The following KLHDC4 variants were observed in gnomAD, a reference collection of about 807,000 sequenced individuals.
The protein encoded by KLHDC4 is kelch domain-containing protein 4.
Under a neutral mutation model 62.4 loss-of-function variants are expected in KLHDC4, and 90 were observed. That is an observed-to-expected ratio of 1.44 (90% CI 1.22 to 1.72). KLHDC4 has a LOEUF of 1.72. KLHDC4 is among the 40% of genes most tolerant of loss of function. KLHDC4 has a pLI of 0.00. For synonymous variants in KLHDC4, 386 were observed against 284.4 expected, an observed-to-expected ratio of 1.36 and a Z score of -3.59; for missense variants, 1,025 against 699.7, an observed-to-expected ratio of 1.47 and a Z score of -5.25.
chr16:87,731,159 G>T (rs2040304369), intron 5 of KLHDC4, among the ~76,000 whole-genome samples: 1 of 132,732 alleles, frequency 7.5e-6, no homozygotes, highest in South Asian at 2.6e-4. Flanking sequence ...CGCCTCCAAA[G>T]TTCAAGCGGT....
intron 2 of KLHDC4, among the ~76,000 whole-genome samples, chr16:87,761,571 C>A (rs1035577106): frequency 6.6e-6 from 1 of 152,220 alleles, no homozygotes; most frequent in Non-Finnish European, 1.5e-5. Flanking sequence ...AATTTGAAAG[C>A]ATTACAAACA....
At chr16:87,729,290 G>C (rs1003818411) in intron 6 of KLHDC4, 1 of 152,198 alleles carries the variant, frequency 6.6e-6, no homozygotes, top group Admixed American at 6.5e-5. Context: ...AGAATCACGA[G>C]AGGGTGCGAC....
chr16:87,727,518 C>T (rs904638697), intron 6 of KLHDC4, among the ~76,000 whole-genome samples: 1 of 152,152 alleles, frequency 6.6e-6, no homozygotes, highest in African/African-American at 2.4e-5. Context: ...CAGAAGCCGA[C>T]CCTCTGTGCC....
At chr16:87,754,720 G>A (rs1316650699) in intron 4 of KLHDC4, among the ~76,000 whole-genome samples, 3 of 152,202 alleles carry the variant, frequency 2.0e-5, no homozygotes, top group Non-Finnish European at 4.4e-5. Context: ...CCTGACAGGA[G>A]AGCGACAGCT....
intron 7 of KLHDC4, among the ~76,000 whole-genome samples, chr16:87,718,268 A>C (rs2037399072): frequency 6.8e-6 from 1 of 146,042 alleles, no homozygotes; most frequent in African/African-American, 2.6e-5. Context: ...CTTTCCACAA[A>C]AACCGATTCG....
chr16:87,759,580 C>CA (rs1270908974), intron 2 of KLHDC4, among the ~76,000 whole-genome samples: 1 of 152,090 alleles, frequency 6.6e-6, no homozygotes, highest in Non-Finnish European at 1.5e-5. Context: ...AACTCCGTCT[C>CA]TACTAAAAAT....
chr16:87,755,326 A>T, intron 3 of KLHDC4, 34 bp from the exon 4 acceptor site: 7 of 1,107,802 alleles, frequency 6.3e-6, no homozygotes, highest in Non-Finnish European at 9.7e-6. Context: ...AGTGTCACAA[A>T]TGATACGCTT....
At chr16:87,749,338 G>T (rs1045181345) in intron 4 of KLHDC4, among the ~76,000 whole-genome samples, 1 of 151,982 alleles carries the variant, frequency 6.6e-6, no homozygotes, top group African/African-American at 2.4e-5. Flanking sequence ...GACAGATCAC[G>T]AGATCAAGAA....
At chr16:87,721,322 G>A (rs376004547) in intron 7 of KLHDC4, among the ~76,000 whole-genome samples, 1 of 151,206 alleles carries the variant, frequency 6.6e-6, no homozygotes, top group Non-Finnish European at 1.5e-5. Context: ...CCGGAGGCAG[G>A]AGAATGGCGT....
At chr16:87,759,765 C>T (rs1263349497) in intron 2 of KLHDC4, among the ~76,000 whole-genome samples, 4 of 152,136 alleles carry the variant, frequency 2.6e-5, no homozygotes, top group African/African-American at 9.7e-5. Flanking sequence ...AGAGTGTTTC[C>T]CAAATTCCTC....
At chr16:87,755,470 G>C (rs992917748) in intron 3 of KLHDC4, 178 bp from the exon 4 acceptor site, 2 of 467,956 alleles carry the variant, frequency 4.3e-6, no homozygotes, top group Non-Finnish European at 7.9e-6. Flanking sequence ...ACGACACAAT[G>C]AAAACGACCG....
At chr16:87,730,426 A>G (rs2040142390) in intron 6 of KLHDC4, 126 bp downstream of exon 6, 1 of 793,552 alleles carries the variant, frequency 1.3e-6, no homozygotes, top group Admixed American at 2.9e-5. Flanking sequence ...GTGGCTGCCC[A>G]AAGCTCATGA....
At chr16:87,713,646 C>T (rs971653977) in intron 8 of KLHDC4, among the ~76,000 whole-genome samples, 6 of 151,982 alleles carry the variant, frequency 3.9e-5, no homozygotes, top group African/African-American at 1.5e-4. Context: ...TGGCAGGAAA[C>T]GCCGCCAACA....
intron 7 of KLHDC4, among the ~76,000 whole-genome samples, chr16:87,715,199 C>A (rs1332260923): frequency 1.3e-5 from 2 of 152,194 alleles, no homozygotes; most frequent in Non-Finnish European, 2.9e-5. Flanking sequence ...AAAACGCTCA[C>A]CCTGGGTGGA....
intron 7 of KLHDC4, among the ~76,000 whole-genome samples, chr16:87,716,980 C>T (rs1235113373): frequency 6.6e-6 from 1 of 151,096 alleles, no homozygotes; most frequent in Non-Finnish European, 1.5e-5. Context: ...TGCTGTAATC[C>T]CAGCACTTTG....
intron 5 of KLHDC4, among the ~76,000 whole-genome samples, chr16:87,735,286 C>T (rs1279081602): frequency 2.1e-5 from 3 of 144,798 alleles, no homozygotes; most frequent in Admixed American, 7.1e-5. Flanking sequence ...GGCAACACAG[C>T]GAGACTCCGT....
intron 4 of KLHDC4, among the ~76,000 whole-genome samples, chr16:87,753,557 T>C (rs890331671): frequency 6.6e-6 from 1 of 152,052 alleles, no homozygotes; most frequent in Non-Finnish European, 1.5e-5. Context: ...CTCAGCACTT[T>C]GGGAGGCCGA....
rs1321696849 is a variant in KLHDC4 at position 87,726,772 on chromosome 16, G to A, written c.752C>T (p.Ser251Leu). The change falls in exon 7 of 12, where the codon TCG becomes TTG. Residue 251 changes from serine to leucine, a missense_variant. Coordinates refer to ENST00000270583, the MANE Select transcript of KLHDC4 (RefSeq NM_017566.4). ...CCCCACCCCCCGCCTTACCTGTTTC[G>A]AGTAGCCCCCATAGACGACGATGCC... ...QGGIVVYGGY[S>L]KQRVKKDVDK... The A allele has an allele frequency of 6.5e-7, 1 of 1,543,460 alleles. No homozygotes were observed. Among genetic ancestry groups the A allele is most frequent in the Non-Finnish European group, 8.7e-7 (1 of 1,149,244 alleles).
intron 4 of KLHDC4, among the ~76,000 whole-genome samples, chr16:87,752,839 T>C (rs941423436): frequency 6.6e-6 from 1 of 152,138 alleles, no homozygotes; most frequent in Admixed American, 6.5e-5. Context: ...CAGATAAAAC[T>C]TCTACTCCTG....
Sources: gnomAD v4.1 joint callset for allele counts (sites outside exome capture counted in the v4.1 genomes callset) on GRCh38, gnomAD v4.1.1 for gene constraint, MANE v1.5 for transcripts, NCBI Gene and HGNC (gene_info 2026-07-23, HGNC 2026-07-21) for gene names.